The following SPAG16 variants were observed in gnomAD, a reference collection of about 807,000 sequenced individuals.
The protein encoded by SPAG16 is sperm associated antigen 16.
In SPAG16, 86 loss-of-function variants were observed where a neutral mutation model predicts 80.4. The observed-to-expected ratio is 1.07, with a 90% confidence interval of 0.90 to 1.28. The LOEUF is 1.28. Ranked by LOEUF, SPAG16 falls within the 50% of genes most tolerant of loss-of-function variation. The pLI, the probability that SPAG16 is intolerant of heterozygous loss-of-function variation, is 0.00. For missense variants in SPAG16, 870 were observed against 765.3 expected (o/e 1.14, Z -1.61); for synonymous variants, 294 against 265.9 (o/e 1.11, Z -1.03).
intron 11 of SPAG16, among the ~76,000 whole-genome samples, chr2:213,879,728 T>C (rs1187582120): frequency 6.6e-6 from 1 of 152,260 alleles, no homozygotes; most frequent in East Asian, 1.9e-4. Flanking sequence ...AGTGAGAATG[T>C]GTGGTATTTG....
At chr2:214,249,890 C>T (rs752569543) in intron 15 of SPAG16, 6 of 152,150 alleles carry the variant, frequency 3.9e-5, no homozygotes, top group Non-Finnish European at 8.8e-5. Flanking sequence ...AAACTCTAAT[C>T]TCAGTGCTTT....
chr2:213,369,685 T>C (rs1395515407), intron 8 of SPAG16, among the ~76,000 whole-genome samples: 1 of 152,212 alleles, frequency 6.6e-6, no homozygotes, highest in African/African-American at 2.4e-5. Flanking sequence ...GGTCACTGCC[T>C]CTGTCTTGTG....
chr2:213,531,746 C>T (rs1413309176), intron 10 of SPAG16, among the ~76,000 whole-genome samples: 1 of 152,030 alleles, frequency 6.6e-6, no homozygotes, highest in Non-Finnish European at 1.5e-5. Context: ...TTTTTGAAAT[C>T]TCTCATTCAT....
chr2:213,519,380 G>A (rs2125842152), intron 10 of SPAG16, among the ~76,000 whole-genome samples: 1 of 152,294 alleles, frequency 6.6e-6, no homozygotes, highest in African/African-American at 2.4e-5. Flanking sequence ...GGGATGCAGT[G>A]GGAGATAATT....
chr2:214,153,562 G>T (rs567596340), intron 15 of SPAG16, among the ~76,000 whole-genome samples: 1 of 152,174 alleles, frequency 6.6e-6, no homozygotes, highest in East Asian at 1.9e-4. Context: ...TAGTGCTGAA[G>T]GGGTCTGAGA....
chr2:214,210,970 A>T (rs188275985), intron 15 of SPAG16, among the ~76,000 whole-genome samples: 1 of 152,190 alleles, frequency 6.6e-6, no homozygotes, highest in East Asian at 1.9e-4. Context: ...GAAAGATGCC[A>T]TAATATATTT....
chr2:213,558,794 C>T (rs2059511720), intron 10 of SPAG16, among the ~76,000 whole-genome samples: 1 of 152,006 alleles, frequency 6.6e-6, no homozygotes, highest in East Asian at 1.9e-4. Flanking sequence ...TGGAATGGTA[C>T]AATGAGCCTC....
At chr2:213,872,825 C>T (rs561245759) in intron 11 of SPAG16, among the ~76,000 whole-genome samples, 1 of 152,192 alleles carries the variant, frequency 6.6e-6, no homozygotes, top group African/African-American at 2.4e-5. Context: ...GCTGCTTCTG[C>T]ATCTGTTGAA....
At chr2:213,462,622 G>A (rs1351628389) in intron 9 of SPAG16, among the ~76,000 whole-genome samples, 1 of 152,106 alleles carries the variant, frequency 6.6e-6, no homozygotes, top group Non-Finnish European at 1.5e-5. Context: ...GAGATCTGAT[G>A]GTTTAATAAG....
intron 15 of SPAG16, among the ~76,000 whole-genome samples, chr2:214,307,484 T>C (rs1694999455): frequency 6.6e-6 from 1 of 151,264 alleles, no homozygotes; most frequent in South Asian, 2.1e-4. Flanking sequence ...TGATGTCAGG[T>C]TGTTAACTTG....
chr2:214,340,860 A>C (rs1466217174), intron 15 of SPAG16, among the ~76,000 whole-genome samples: 1 of 152,172 alleles, frequency 6.6e-6, no homozygotes, highest in African/African-American at 2.4e-5. Context: ...AGTCTTCTTT[A>C]ACTGGCAACC....
At chr2:213,994,699 C>A (rs912182951) in intron 12 of SPAG16, among the ~76,000 whole-genome samples, 11 of 151,450 alleles carry the variant, frequency 7.3e-5, no homozygotes, top group Non-Finnish European at 5.9e-5. Context: ...TGGTTAAATA[C>A]CATCTATTCT....
chr2:214,070,859 G>C (rs1014940017), intron 13 of SPAG16, among the ~76,000 whole-genome samples: 3 of 151,740 alleles, frequency 2.0e-5, no homozygotes, highest in Admixed American at 1.3e-4. Flanking sequence ...TTTTCTTTTT[G>C]ATCTGTCATT....
At chr2:214,073,341 G>A (rs561856831) in intron 13 of SPAG16, among the ~76,000 whole-genome samples, 8 of 151,222 alleles carry the variant, frequency 5.3e-5, no homozygotes, top group East Asian at 2.0e-4. Context: ...TGGTTCAAGC[G>A]ACTCTCCTGC....
intron 11 of SPAG16, among the ~76,000 whole-genome samples, chr2:213,894,021 A>G (rs1253831020): frequency 6.6e-6 from 1 of 152,138 alleles, no homozygotes; most frequent in Non-Finnish European, 1.5e-5. Context: ...GAAGACATAT[A>G]TAGCCTGAAA....
At chr2:213,467,117 A>G (rs537895193) in intron 9 of SPAG16, among the ~76,000 whole-genome samples, 2 of 152,224 alleles carry the variant, frequency 1.3e-5, no homozygotes, top group African/African-American at 4.8e-5. Context: ...TGTGCTCCCA[A>G]TATTGGGGTA....
rs2054387300 is a variant in SPAG16 at position 214,124,659 on chromosome 2, A to T, written c.1593+16398A>T. Among the ~76,000 whole-genome samples the T allele has an allele frequency of 4.0e-5, 6 of 151,784 alleles. 1 individual carries two copies. The Admixed American group carries it at 4.0e-4, about 10-fold the overall frequency. On this transcript the variant is annotated intron_variant, in intron 14 of 15. Coordinates refer to ENST00000331683, the MANE Select transcript of SPAG16 (RefSeq NM_024532.5). ...CCTTTAATGTAATTTTCCCCACTTAATTGTATGTTGGTGGATGAATGTGAC... is the reference window on the plus strand; with the variant it reads ...CCTTTAATGTAATTTTCCCCACTTATTTGTATGTTGGTGGATGAATGTGAC...
chr2:213,959,324 A>G (rs1318431670), intron 12 of SPAG16, among the ~76,000 whole-genome samples: 1 of 152,108 alleles, frequency 6.6e-6, no homozygotes, highest in East Asian at 1.9e-4. Context: ...AATTTGTGTA[A>G]TATAGTCACC....
intron 15 of SPAG16, among the ~76,000 whole-genome samples, chr2:214,180,517 T>C (rs977929474): frequency 6.6e-6 from 1 of 151,684 alleles, no homozygotes; most frequent in East Asian, 1.9e-4. Flanking sequence ...TAGATAATAA[T>C]TTCCATCTTA....
Sources: allele counts gnomAD v4.1 joint callset (sites outside exome capture counted in the v4.1 genomes callset), GRCh38; gene constraint gnomAD v4.1.1; transcripts MANE v1.5; gene names NCBI Gene and HGNC (gene_info 2026-07-23, HGNC 2026-07-21).